The following DPP10 variants were observed in gnomAD, a reference collection of about 807,000 sequenced individuals.
The protein encoded by DPP10 is dipeptidyl peptidase like 10.
In DPP10, 33 loss-of-function variants were observed where a neutral mutation model predicts 120.9. The ratio of observed to expected loss-of-function variants is 0.27; its 90% CI spans 0.21 to 0.37. DPP10 has a LOEUF of 0.37. Ranked by LOEUF, DPP10 falls within the 10% of genes least tolerant of loss-of-function variation. DPP10 has a pLI of 1.00. For synonymous variants in DPP10, 337 were observed against 326.1 expected (o/e 1.03, Z -0.36); for missense variants, 816 against 942.8 (o/e 0.87, Z 1.76).
chr2:114,905,032 T>C (rs1693856763), intron 1 of DPP10, among the ~76,000 whole-genome samples: 1 of 152,184 alleles, frequency 6.6e-6, no homozygotes, highest in South Asian at 2.1e-4. Flanking sequence ...TTCAGTCTTT[T>C]CACATATGAT....
rs1017535180 is a variant in DPP10 at position 115,530,598 on chromosome 2, T to C, written c.441+4626T>C. Among the ~76,000 whole-genome samples, 43 of 151,944 alleles carry C rather than the reference T, an allele frequency of 2.8e-4. 1 individual carries two copies. The highest frequency in any genetic ancestry group is 1.0e-3 in the African/African-American group (42 of 41,382). ...TTTGGAGGCTGAGGAGGAGAATCAC[T>C]TGAACCCAGGAGGCAGAGATTTTAG... is the stretch of plus-strand genomic sequence containing the variant. On this transcript the variant is annotated intron_variant, in intron 5 of 25. Transcript: ENST00000410059.
At chr2:114,917,321 G>A (rs535696223) in intron 1 of DPP10, among the ~76,000 whole-genome samples, 22 of 152,206 alleles carry the variant, frequency 1.4e-4, no homozygotes, top group Non-Finnish European at 2.5e-4. Context: ...ATTCAGAGAC[G>A]ACATAAACAA....
At chr2:114,755,450 T>C (rs1679639363) in intron 1 of DPP10, among the ~76,000 whole-genome samples, 2 of 151,954 alleles carry the variant, frequency 1.3e-5, no homozygotes, top group South Asian at 2.1e-4. Context: ...TGTGCCACCA[T>C]ATCCGGCAAC....
At chr2:115,683,329 C>T (rs1019596417) in intron 5 of DPP10, among the ~76,000 whole-genome samples, 2 of 151,636 alleles carry the variant, frequency 1.3e-5, no homozygotes, top group African/African-American at 2.4e-5. Context: ...AGCATTTGCT[C>T]GGGATTAGGA....
intron 1 of DPP10, among the ~76,000 whole-genome samples, chr2:114,984,962 T>A (rs996521304): frequency 1.3e-5 from 2 of 152,172 alleles, no homozygotes; most frequent in Non-Finnish European, 2.9e-5. Flanking sequence ...AGCAGAGGTT[T>A]TTAAATTAGA....
intron 19 of DPP10, among the ~76,000 whole-genome samples, chr2:115,810,380 G>A (rs919781997): frequency 3.9e-5 from 6 of 152,038 alleles, no homozygotes; most frequent in African/African-American, 7.2e-5. Flanking sequence ...TTGTGAACCC[G>A]ATCAAACATG....
chr2:114,727,555 C>T (rs992509589), intron 1 of DPP10, among the ~76,000 whole-genome samples: 1 of 152,210 alleles, frequency 6.6e-6, no homozygotes, highest in Non-Finnish European at 1.5e-5. Context: ...AAACCACTGG[C>T]CTCCATTGGC....
At chr2:115,732,833 C>T (rs2092943416) in intron 8 of DPP10, among the ~76,000 whole-genome samples, 1 of 152,144 alleles carries the variant, frequency 6.6e-6, no homozygotes, top group Non-Finnish European at 1.5e-5. Context: ...TTTAATCCAA[C>T]AGCTGTGGAG....
At chr2:115,233,614 T>C (rs1460731953) in intron 1 of DPP10, among the ~76,000 whole-genome samples, 1 of 152,124 alleles carries the variant, frequency 6.6e-6, no homozygotes, top group Non-Finnish European at 1.5e-5. Context: ...CTGGGATCCA[T>C]TGGATAGTTT....
intron 1 of DPP10, among the ~76,000 whole-genome samples, chr2:114,942,420 T>C (rs1161912481): frequency 6.9e-6 from 1 of 145,172 alleles, no homozygotes; most frequent in African/African-American, 2.5e-5. Context: ...TATATATATA[T>C]ATGATATCTT....
chr2:115,677,472 T>TA (rs139435503), intron 5 of DPP10, among the ~76,000 whole-genome samples: 20,945 of 152,028 alleles, frequency 0.14, 1,592 homozygotes, highest in Non-Finnish European at 0.16. Context: ...AATAAAAAGA[T>TA]ACAGAATGGC....
intron 5 of DPP10, among the ~76,000 whole-genome samples, chr2:115,533,666 G>A (rs2078611904): frequency 1.3e-5 from 2 of 152,000 alleles, no homozygotes; most frequent in South Asian, 2.1e-4. Context: ...TATCTAGGCT[G>A]TTAAAATTCA....
intron 5 of DPP10, among the ~76,000 whole-genome samples, chr2:115,621,527 A>G (rs2084941237): frequency 6.6e-6 from 1 of 152,184 alleles, no homozygotes; most frequent in South Asian, 2.1e-4. Flanking sequence ...CTTTCTGTAA[A>G]CACTTAAGGG....
chr2:114,936,442 TACGC>T (rs1696484805), intron 1 of DPP10, among the ~76,000 whole-genome samples: 1 of 151,664 alleles, frequency 6.6e-6, no homozygotes, highest in African/African-American at 2.4e-5. Context: ...TACACATATA[TACGC>T]ACATATATAT....
intron 3 of DPP10, among the ~76,000 whole-genome samples, chr2:115,437,881 A>G (rs1409430143): frequency 6.6e-6 from 1 of 152,102 alleles, no homozygotes; most frequent in Non-Finnish European, 1.5e-5. Context: ...AAACAATATA[A>G]TTTCTTTTGT....
chr2:115,398,395 A>G (rs78286012), intron 3 of DPP10, among the ~76,000 whole-genome samples: 1 of 152,294 alleles, frequency 6.6e-6, no homozygotes, highest in Non-Finnish European at 1.5e-5. Context: ...AGTGCCTTAG[A>G]GGAGTTCATT....
chr2:115,677,331 C>A (rs2149461317), intron 5 of DPP10, among the ~76,000 whole-genome samples: 1 of 152,066 alleles, frequency 6.6e-6, no homozygotes, highest in African/African-American at 2.4e-5. Context: ...CAACAAACTG[C>A]AAAGATAAGC....
At chr2:115,153,165 G>A (rs2051677533) in intron 1 of DPP10, among the ~76,000 whole-genome samples, 2 of 152,096 alleles carry the variant, frequency 1.3e-5, no homozygotes, top group African/African-American at 4.8e-5. Flanking sequence ...CTTGTCCTTT[G>A]CTCCAGAGGA....
chr2:114,836,573 C>T (rs1687756370), intron 1 of DPP10, among the ~76,000 whole-genome samples: 1 of 152,068 alleles, frequency 6.6e-6, no homozygotes, highest in Non-Finnish European at 1.5e-5. Context: ...GGAGGCAGGG[C>T]GAGATCACAG....
Sources: gnomAD v4.1 joint callset for allele counts (sites outside exome capture counted in the v4.1 genomes callset) on GRCh38, gnomAD v4.1.1 for gene constraint, MANE v1.5 for transcripts, NCBI Gene and HGNC (gene_info 2026-07-23, HGNC 2026-07-21) for gene names.